The following SPTBN4 variants were observed in gnomAD, a reference collection of about 807,000 sequenced individuals.
SPTBN4 encodes the protein spectrin beta, non-erythrocytic 4.
In SPTBN4, 96 loss-of-function variants were observed where a neutral mutation model predicts 277.8. The ratio of observed to expected loss-of-function variants is 0.35; its 90% CI spans 0.29 to 0.41. SPTBN4 has a LOEUF of 0.41. Among genes scored for constraint, SPTBN4 ranks in the 10% least tolerant of loss-of-function variants. SPTBN4 has a pLI of 1.00. For missense variants in SPTBN4, 3,006 were observed against 3,595.7 expected (o/e 0.84, Z 4.19); for synonymous variants, 1,481 against 1,580.3 (o/e 0.94, Z 1.49).
At chr19:40,526,008 G>A (rs1321874008) in intron 17 of SPTBN4, among the ~76,000 whole-genome samples, 4 of 152,104 alleles carry the variant, frequency 2.6e-5, no homozygotes, top group East Asian at 1.9e-4. Flanking sequence ...TTCCACATCC[G>A]CCAAGGGGGC....
Position 40,467,024 on chromosome 19 carries a change from G to A in SPTBN4, c.-297G>A, listed in dbSNP as rs947507617. ...CCGCCGTGCCCTCGCGAGTGCAGCC[G>A]TGCACCCCACGCCGCGGCCGGGTGT... On this transcript the variant is annotated 5_prime_UTR_variant, in exon 1 of 36. It adds an upstream start codon to the 5' untranslated region. Coordinates refer to ENST00000598249, the MANE Select transcript of SPTBN4 (RefSeq NM_020971.3). Among the ~76,000 whole-genome samples, 3 of 151,708 alleles carry A rather than the reference G, an allele frequency of 2.0e-5. No individual in the cohort carries two copies. Among genetic ancestry groups the A allele is most frequent in the African/African-American group, 4.8e-5 (2 of 41,364 alleles).
At chr19:40,476,656 C>T (rs920159752) in intron 2 of SPTBN4, among the ~76,000 whole-genome samples, 4 of 152,080 alleles carry the variant, frequency 2.6e-5, no homozygotes, top group Non-Finnish European at 4.4e-5. Context: ...GACACTATCT[C>T]GGCTCACTGC....
In SPTBN4 at chr19:40,549,325, G is replaced by T. The variant is rs1314663329; in HGVS notation, c.4496G>T (p.Arg1499Leu). The T allele has an allele frequency of 1.3e-6, 2 of 1,537,804 alleles. No homozygotes were observed. Among genetic ancestry groups the T allele is most frequent in the South Asian group, 2.4e-5 (2 of 83,814 alleles). Residue 1499 changes from arginine to leucine, a missense_variant, in exon 21 of 36, where the codon CGC (arginine) becomes CTC (leucine). This residue lies in a region of SPTBN4 where 1,759 missense variants were observed against 2,061.5 expected (regional missense o/e 0.85). Transcript: ENST00000598249. ...RQNAVGERLV[R>L]LLEPLQERRR... ...AACGCGGTGGGCGAGCGCCTGGTGC[G>T]CCTGCTCGAGCCGTTGCAGGAGCGC...
chr19:40,575,792 C>T lies in SPTBN4; in HGVS notation c.*223C>T, dbSNP rs75847377. The T allele has an allele frequency of 1.9e-3, 850 of 442,170 alleles. 10 individuals carry two copies. Among genetic ancestry groups the T allele is most frequent in the African/African-American group, 0.016 (787 of 49,210 alleles). The allele number at this position is 442,170 out of a possible 1,614,324, so 27.4% of individuals were successfully genotyped here. The stretch of plus-strand genomic sequence containing the variant: ...CTCGGCCCCTTCCCACTCACCACCC[C>T]CACCCCAGGTGCTGGGGGTCCCTTA... On this transcript the variant is annotated 3_prime_UTR_variant, in exon 36 of 36. Transcript: ENST00000598249.
chr19:40,492,312 T>G (rs1253816437), intron 4 of SPTBN4, among the ~76,000 whole-genome samples: 1 of 151,938 alleles, frequency 6.6e-6, no homozygotes, highest in Non-Finnish European at 1.5e-5. Context: ...GGAGCAGGTT[T>G]GAGGAACACC....
intron 2 of SPTBN4, among the ~76,000 whole-genome samples, chr19:40,483,775 AT>A (rs1332673551): frequency 1.3e-5 from 2 of 152,120 alleles, no homozygotes; most frequent in African/African-American, 4.8e-5. Context: ...CCAAAGTGGA[AT>A]TTTAGTGCAT....
intron 2 of SPTBN4, among the ~76,000 whole-genome samples, chr19:40,474,986 C>T (rs1459360036): frequency 2.0e-5 from 3 of 152,048 alleles, no homozygotes; most frequent in South Asian, 2.1e-4. Flanking sequence ...CCTCCCACCT[C>T]GGCCTCCGAA....
At chr19:40,498,881 T>C (rs1009781046) in intron 7 of SPTBN4, among the ~76,000 whole-genome samples, 5 of 151,936 alleles carry the variant, frequency 3.3e-5, no homozygotes, top group Admixed American at 3.3e-4. Context: ...TTTGTATTTT[T>C]AGTAGAGGTG....
chr19:40,490,257 C>A lies in SPTBN4; in HGVS notation c.495+9C>A, dbSNP rs757315084. 1.2e-6 allele frequency: 2 copies of A among 1,610,592 alleles called. No homozygotes were observed. Among genetic ancestry groups the A allele is most frequent in the South Asian group, 2.2e-5 (2 of 90,742 alleles). On this transcript the variant is annotated intron_variant, in intron 4 of 35. Transcript: ENST00000598249. The surrounding 1 kb of genome is among the most constrained non-coding windows in gnomAD (Gnocchi z 4.3). ...TCATCCTGCGCTTCCAGGTGACCCT[C>A]GAGTGGCCCCTGCCAAGCCCCGCAA...
intron 12 of SPTBN4, among the ~76,000 whole-genome samples, chr19:40,505,544 T>C (rs974356577): frequency 1.3e-5 from 2 of 151,718 alleles, no homozygotes; most frequent in African/African-American, 4.8e-5. Flanking sequence ...AATACAAAAA[T>C]TAGCCGGGCG....
intron 31 of SPTBN4, among the ~76,000 whole-genome samples, chr19:40,568,516 C>G (rs562195828): frequency 6.6e-6 from 1 of 152,320 alleles, no homozygotes; most frequent in East Asian, 1.9e-4. Context: ...CTGCCTTTCT[C>G]CAGACGTAGG....
At chr19:40,540,967 G>C (rs2080795047) in intron 20 of SPTBN4, among the ~76,000 whole-genome samples, 1 of 152,014 alleles carries the variant, frequency 6.6e-6, no homozygotes, top group South Asian at 2.1e-4. Flanking sequence ...TCTCTCCCCA[G>C]CAGTACACAT....
intron 13 of SPTBN4, among the ~76,000 whole-genome samples, chr19:40,507,268 T>C (rs1411016233): frequency 6.6e-6 from 1 of 151,760 alleles, no homozygotes; most frequent in Non-Finnish European, 1.5e-5. Flanking sequence ...TAAGCCAAGA[T>C]TGTGCCACTA....
At chr19:40,507,855 T>TC (rs2080347634) in intron 13 of SPTBN4, among the ~76,000 whole-genome samples, 1 of 151,982 alleles carries the variant, frequency 6.6e-6, no homozygotes, top group African/African-American at 2.4e-5. Context: ...AACAAAAGAC[T>TC]CCATCTCTCT....
chr19:40,522,777 A>C (rs1000258898), intron 16 of SPTBN4, among the ~76,000 whole-genome samples: 2 of 152,124 alleles, frequency 1.3e-5, no homozygotes, highest in African/African-American at 4.8e-5. Flanking sequence ...TATGTAGGGG[A>C]GGAGAGAGTA....
Position 40,531,464 on chromosome 19 carries a change from G to GTTT in SPTBN4, c.3949-1128_3949-1126dup, listed in dbSNP as rs71173645. Among the ~76,000 whole-genome samples, 192 of 40,924 alleles carry GTTT rather than the reference G, an allele frequency of 4.7e-3. 29 individuals carry two copies. The highest frequency in any genetic ancestry group is 0.017 in the East Asian group (12 of 712). 26.8% of individuals were successfully genotyped at this position (40,924 alleles called of 152,430 possible). A position where few individuals can be genotyped will look rare whatever the true frequency, so the allele number is the denominator to read the frequency against. ...ACCGCGGAGCTGGAGTCCAGTGTTTGTTTTTTTTTTTTTTTTTTTTTTTTT... is the reference window on the plus strand; with the variant it reads ...ACCGCGGAGCTGGAGTCCAGTGTTTGTTTTTTTTTTTTTTTTTTTTTTTTTTTT... On this transcript the variant is annotated intron_variant, in intron 18 of 35. Transcript: ENST00000598249.
At chr19:40,473,979 T>TA (rs1265958438) in intron 2 of SPTBN4, among the ~76,000 whole-genome samples, 151 of 144,980 alleles carry the variant, frequency 1.0e-3, no homozygotes, top group Non-Finnish European at 1.8e-3. Flanking sequence ...CTGTCTCTAC[T>TA]AAAAATAAAA....
At chr19:40,525,005 G>A (rs899918820) in intron 17 of SPTBN4, among the ~76,000 whole-genome samples, 2 of 151,984 alleles carry the variant, frequency 1.3e-5, no homozygotes, top group African/African-American at 4.8e-5. Flanking sequence ...GCTCCTCCTG[G>A]TGACCCTAAA....
intron 22 of SPTBN4, among the ~76,000 whole-genome samples, chr19:40,550,556 T>G (rs1400959352): frequency 6.6e-6 from 1 of 151,472 alleles, no homozygotes; most frequent in African/African-American, 2.4e-5. Flanking sequence ...AGGCTGGAGT[T>G]TAGTGGCACA....
Sources: gnomAD v4.1 joint callset for allele counts (sites outside exome capture counted in the v4.1 genomes callset) on GRCh38, gnomAD v4.1.1 for gene constraint, gnomAD v4.1.1 regional missense constraint, Gnocchi (gnomAD v3.1) non-coding constraint, MANE v1.5 for transcripts, NCBI Gene and HGNC (gene_info 2026-07-23, HGNC 2026-07-21) for gene names.